TMPRSS4: variants seen among roughly 807,000 people sequenced by gnomAD.
The protein encoded by TMPRSS4 is transmembrane serine protease 4, also known as transmembrane protease serine 4.
A neutral mutation model predicts 56.4 loss-of-function variants in TMPRSS4; 45 were observed. The ratio of observed to expected loss-of-function variants is 0.80; its 90% CI spans 0.63 to 1.02. The LOEUF is 1.02. Ranked by LOEUF, TMPRSS4 falls within the 50% of genes least tolerant of loss-of-function variation. The pLI is 0.00. For synonymous variants in TMPRSS4, 205 were observed against 211.0 expected (o/e 0.97, Z 0.25); for missense variants, 546 against 556.7 (o/e 0.98, Z 0.19).
chr11:118,123,962 A>AGAT (rs1300548870), downstream of TMPRSS4, among the ~76,000 whole-genome samples: 1 of 152,254 alleles, frequency 6.6e-6, no homozygotes, highest in Non-Finnish European at 1.5e-5. Flanking sequence ...TCTCAGTATT[A>AGAT]GATGATAATA....
chr11:118,085,122 G>A (rs543709858), intron 1 of TMPRSS4, among the ~76,000 whole-genome samples: 10 of 152,094 alleles, frequency 6.6e-5, no homozygotes, highest in East Asian at 1.9e-4. Context: ...TTGTGAAGTC[G>A]CTTTTATTGT....
intron 4 of TMPRSS4, among the ~76,000 whole-genome samples, chr11:118,103,766 G>A (rs1229948350): frequency 1.3e-5 from 2 of 152,190 alleles, no homozygotes; most frequent in Non-Finnish European, 2.9e-5. Context: ...ACTATTTGAT[G>A]ACCAAATGTG....
At chr11:118,103,538 C>T (rs974843037) in intron 4 of TMPRSS4, among the ~76,000 whole-genome samples, 2 of 152,130 alleles carry the variant, frequency 1.3e-5, no homozygotes, top group African/African-American at 2.4e-5. Context: ...CCAGCCACCA[C>T]GCCTGGCTAA....
chr11:118,085,226 C>CTTTTT (rs67063759), intron 1 of TMPRSS4, among the ~76,000 whole-genome samples: 4 of 141,856 alleles, frequency 2.8e-5, no homozygotes, highest in Admixed American at 7.1e-5. Context: ...TCTTCTTCTT[C>CTTTTT]TTTTTTTTTT....
Position 118,120,287 on chromosome 11 carries a change from T to A in TMPRSS4, c.*2374T>A, listed in dbSNP as rs1947750668. 1 of 152,242 alleles carries A rather than the reference T, an allele frequency of 6.6e-6. No homozygotes were observed. Among genetic ancestry groups the A allele is most frequent in the Non-Finnish European group, 1.5e-5 (1 of 68,046 alleles). The allele number at this position is 152,242 out of a possible 1,614,324, so 9.4% of individuals were successfully genotyped here. A position where few individuals can be genotyped will look rare whatever the true frequency, so the allele number is the denominator to read the frequency against. On this transcript the variant is annotated 3_prime_UTR_variant, in exon 13 of 13. Transcript: ENST00000437212. ...GCTGCTGTGAACATGGGTGTACAAG[T>A]ATCTCTTTGAGGCCCTGCTTTCAAT...
intron 11 of TMPRSS4, among the ~76,000 whole-genome samples, chr11:118,115,758 G>T (rs1332809401): frequency 6.6e-6 from 1 of 152,206 alleles, no homozygotes; most frequent in African/African-American, 2.4e-5. Context: ...AGGAGGCAGA[G>T]GTTGCAGTAA....
At chr11:118,099,232 C>G (rs1191219113) in intron 3 of TMPRSS4, 134 bp downstream of exon 3, 1 of 642,962 alleles carries the variant, frequency 1.6e-6, no homozygotes, top group African/African-American at 1.9e-5. Context: ...GGCAGTCCCA[C>G]CCCTGCCCTC....
In TMPRSS4 at chr11:118,099,458, AG is replaced by A. The variant is rs200593501; in HGVS notation, c.157+361del. 8.6e-4 allele frequency among the ~76,000 whole-genome samples: 18 copies of A among 20,946 alleles called. No individual in the cohort carries two copies. The East Asian group carries it at 0.017, about 20-fold the overall frequency. 13.7% of individuals were successfully genotyped at this position (20,946 alleles called of 152,430 possible). ...AGAAAAAGAAAGAAGAGAGAAAGAG[AG>A]AAAGAAAGAAAGAAAGAAAGAAAAA... On this transcript the variant is annotated intron_variant, in intron 3 of 12. Transcript: ENST00000437212.
intron 1 of TMPRSS4, among the ~76,000 whole-genome samples, chr11:118,081,340 TG>T (rs1945111204): frequency 6.6e-6 from 1 of 151,912 alleles, no homozygotes; most frequent in African/African-American, 2.4e-5. Context: ...AGGGGAAGAG[TG>T]GGGCAGAGCC....
intron 11 of TMPRSS4, 85 bp from the exon 12 acceptor site, chr11:118,117,220 G>A: frequency 7.2e-7 from 1 of 1,397,064 alleles, no homozygotes; most frequent in East Asian, 2.3e-5. Context: ...CAGGGGAACA[G>A]ATAGGCCAGT....
Position 118,102,182 on chromosome 11 carries a change from G to T in TMPRSS4, c.158-919G>T, listed in dbSNP as rs74424654. ...TCCCGCCTCCCCCCGACAGGCCCCA[G>T]TGTGTGTTGATCCCCCTGCACGTGT... On this transcript the variant is annotated intron_variant, in intron 3 of 12. Transcript: ENST00000437212. 1.5e-3 allele frequency among the ~76,000 whole-genome samples: 234 copies of T among 152,054 alleles called. 2 individuals are homozygous for T. The highest frequency in any genetic ancestry group is 5.5e-3 in the African/African-American group (226 of 41,448).
Position 118,083,078 on chromosome 11 carries a change from G to A in TMPRSS4, c.3+5773G>A, listed in dbSNP as rs539273442. ...CCTCTGCTGCGCCGCTGCGGGGCTC[G>A]GTCGAATCCCCCAGGGGTGCTCAGA... is the stretch of plus-strand genomic sequence containing the variant. On this transcript the variant is annotated intron_variant, in intron 1 of 12. Transcript: ENST00000437212. Among the ~76,000 whole-genome samples the A allele has an allele frequency of 1.1e-4, 17 of 152,086 alleles. No individual in the cohort carries two copies. The East Asian group carries it at 2.7e-3, about 24-fold the overall frequency.
Position 118,108,850 on chromosome 11 carries a change from T to C in TMPRSS4, c.543-6T>C. 6.2e-7 allele frequency: 1 copy of C among 1,614,084 alleles called. No individual in the cohort carries two copies. On this transcript the variant is annotated splice_polypyrimidine_tract_variant and splice_region_variant and intron_variant, in intron 6 of 12. Transcript: ENST00000437212. ...TAAATCACAGGGCGCTGTGTCTGTC[T>C]TCCAGGCCCTGTCTCTCAGGCTCCC... is the stretch of plus-strand genomic sequence containing the variant.
chr11:118,082,566 A>AAAAGAAAG (rs56317794), intron 1 of TMPRSS4, among the ~76,000 whole-genome samples: 183 of 150,282 alleles, frequency 1.2e-3, no homozygotes, highest in African/African-American at 4.0e-3. Flanking sequence ...GTCTCAAAAA[A>AAAAGAAAG]AAAGAAAGAA....
At chr11:118,090,433 A>G (rs1945857890) in intron 1 of TMPRSS4, among the ~76,000 whole-genome samples, 1 of 152,070 alleles carries the variant, frequency 6.6e-6, no homozygotes, top group Admixed American at 6.6e-5. Flanking sequence ...TTGGTTTCAA[A>G]CAGGGATAGA....
intron 3 of TMPRSS4, 44 bp from the exon 4 acceptor site, chr11:118,103,057 C>A: frequency 1.2e-6 from 2 of 1,608,720 alleles, no homozygotes; most frequent in Non-Finnish European, 1.7e-6. Context: ...CTGCTCAAGC[C>A]TGACCCTCAG....
At chr11:118,101,472 ATGTCTGTCTGCTTGTTTGTT>A (rs898613077) in intron 3 of TMPRSS4, among the ~76,000 whole-genome samples, 5 of 151,886 alleles carry the variant, frequency 3.3e-5, no homozygotes, top group Non-Finnish European at 7.4e-5. Context: ...GTTTGTTTGT[ATGTCTGTCTGCTTGTTTGTT>A]TGAGACAAGG....
chr11:118,115,900 C>T (rs1947526428), intron 11 of TMPRSS4, among the ~76,000 whole-genome samples: 1 of 152,124 alleles, frequency 6.6e-6, no homozygotes, highest in Admixed American at 6.6e-5. Flanking sequence ...ATGATTAGCC[C>T]CTTGAGGTCA....
intron 1 of TMPRSS4, among the ~76,000 whole-genome samples, chr11:118,089,804 T>G (rs1404500163): frequency 3.3e-5 from 5 of 152,206 alleles, no homozygotes; most frequent in Admixed American, 3.3e-4. Context: ...CTATATGTAA[T>G]CTTTTGGGAC....
Sources: gnomAD v4.1 joint callset for allele counts (sites outside exome capture counted in the v4.1 genomes callset) on GRCh38, gnomAD v4.1.1 for gene constraint, MANE v1.5 for transcripts, NCBI Gene and HGNC (gene_info 2026-07-23, HGNC 2026-07-21) for gene names.